The following CTNNA3 variants were observed in gnomAD, a reference collection of about 807,000 sequenced individuals.
CTNNA3 encodes the protein catenin alpha 3, also known as catenin alpha-3.
Under a neutral mutation model 95.7 loss-of-function variants are expected in CTNNA3, and 76 were observed. The ratio of observed to expected loss-of-function variants is 0.79; its 90% CI spans 0.66 to 0.96. CTNNA3 has a LOEUF of 0.96. Among genes scored for constraint, CTNNA3 ranks in the 40% least tolerant of loss-of-function variants. CTNNA3 has a pLI of 0.00. For missense variants in CTNNA3, 1,191 were observed against 1,089.8 expected, an observed-to-expected ratio of 1.09 and a Z score of -1.31; for synonymous variants, 431 against 374.4, an observed-to-expected ratio of 1.15 and a Z score of -1.74.
intron 12 of CTNNA3, among the ~76,000 whole-genome samples, chr10:66,363,965 T>C (rs75420996): frequency 0.046 from 6,985 of 152,202 alleles, 329 homozygotes; most frequent in East Asian, 0.23. Context: ...GTTTTACAGA[T>C]GACAGAACTA....
At chr10:66,850,373 C>T (rs753157684) in intron 7 of CTNNA3, among the ~76,000 whole-genome samples, 16 of 152,138 alleles carry the variant, frequency 1.1e-4, no homozygotes, top group South Asian at 4.2e-4. Flanking sequence ...GGGAGAGACA[C>T]GTATAGAATT....
chr10:67,617,307 G>A (rs1843688100), intron 2 of CTNNA3, among the ~76,000 whole-genome samples: 1 of 152,092 alleles, frequency 6.6e-6, no homozygotes, highest in Admixed American at 6.6e-5. Context: ...ATGTGTCCAT[G>A]TGTTCTCATC....
Position 66,682,982 on chromosome 10 carries a change from G to A in CTNNA3, c.1282-61198C>T, listed in dbSNP as rs532322672. Among the ~76,000 whole-genome samples, 5 of 152,164 alleles carry A rather than the reference G, an allele frequency of 3.3e-5. No homozygotes were observed. In the South Asian group the frequency reaches 1.0e-3, roughly 32 times the overall value. On this transcript the variant is annotated intron_variant, in intron 9 of 17. Transcript: ENST00000433211. ...TTGTGGAGCAAATGCAATGAGTGTG[G>A]CTCAATCATTGCCAGATCTTAACGT...
At chr10:67,049,301 T>C (rs1353093850) in intron 7 of CTNNA3, among the ~76,000 whole-genome samples, 1 of 152,036 alleles carries the variant, frequency 6.6e-6, no homozygotes, top group Non-Finnish European at 1.5e-5. Context: ...ATTCAACCAA[T>C]GATGAAGGCT....
At chr10:67,455,887 G>C (rs1484417260) in intron 5 of CTNNA3, among the ~76,000 whole-genome samples, 1 of 152,136 alleles carries the variant, frequency 6.6e-6, no homozygotes, top group East Asian at 1.9e-4. Context: ...AGGGAAATCT[G>C]AATAAAATGT....
At chr10:66,168,489 A>T (rs898794946) in intron 13 of CTNNA3, among the ~76,000 whole-genome samples, 2 of 152,168 alleles carry the variant, frequency 1.3e-5, no homozygotes, top group Non-Finnish European at 2.9e-5. Flanking sequence ...AGCCAAACTC[A>T]TTATAACCTC....
At chr10:66,111,574 A>G (rs1021081561) in intron 13 of CTNNA3, among the ~76,000 whole-genome samples, 1 of 152,238 alleles carries the variant, frequency 6.6e-6, no homozygotes, top group African/African-American at 2.4e-5. Context: ...GGAATCTTGA[A>G]GGAAATAAAA....
At chr10:66,403,420 C>T (rs149953015) in intron 11 of CTNNA3, among the ~76,000 whole-genome samples, 209 of 152,250 alleles carry the variant, frequency 1.4e-3, no homozygotes, top group African/African-American at 4.8e-3. Context: ...AACTTAAAAT[C>T]ATGGCGGAAG....
At chr10:67,014,542 G>C (rs1486764101) in intron 7 of CTNNA3, among the ~76,000 whole-genome samples, 1 of 152,010 alleles carries the variant, frequency 6.6e-6, no homozygotes, top group African/African-American at 2.4e-5. Context: ...CTGTTCCTAT[G>C]ATCTCTTTTA....
intron 7 of CTNNA3, among the ~76,000 whole-genome samples, chr10:67,022,811 G>C (rs941376630): frequency 6.6e-6 from 1 of 152,012 alleles, no homozygotes; most frequent in Non-Finnish European, 1.5e-5. Flanking sequence ...GGTGGTGCAC[G>C]CCTATAATCC....
At chr10:66,812,634 A>C (rs1841926180) in intron 7 of CTNNA3, among the ~76,000 whole-genome samples, 1 of 152,164 alleles carries the variant, frequency 6.6e-6, no homozygotes, top group African/African-American at 2.4e-5. Flanking sequence ...ACGTTAGTAC[A>C]TAAAAAGTGC....
chr10:67,295,769 A>G (rs1180408304), intron 5 of CTNNA3, among the ~76,000 whole-genome samples: 1 of 152,232 alleles, frequency 6.6e-6, no homozygotes, highest in Non-Finnish European at 1.5e-5. Context: ...GAAGAATAAG[A>G]GTTGAATAAA....
At chr10:66,608,485 G>C (rs888350732) in intron 10 of CTNNA3, among the ~76,000 whole-genome samples, 1 of 151,986 alleles carries the variant, frequency 6.6e-6, no homozygotes, top group African/African-American at 2.4e-5. Flanking sequence ...AGCCCGAATA[G>C]CCAAGACAAT....
intron 7 of CTNNA3, among the ~76,000 whole-genome samples, chr10:66,959,746 C>T (rs72804642): frequency 0.027 from 4,108 of 152,224 alleles, 82 homozygotes; most frequent in Non-Finnish European, 0.041. Flanking sequence ...CTTAGCACAC[C>T]TTTCTTTCTT....
At chr10:66,805,496 T>C (rs1270025590) in intron 7 of CTNNA3, among the ~76,000 whole-genome samples, 3 of 149,124 alleles carry the variant, frequency 2.0e-5, no homozygotes, top group Non-Finnish European at 4.4e-5. Context: ...TATATATACA[T>C]ATATATTTAT....
At chr10:67,355,574 C>G (rs923293358) in intron 5 of CTNNA3, among the ~76,000 whole-genome samples, 1 of 151,594 alleles carries the variant, frequency 6.6e-6, no homozygotes, top group Non-Finnish European at 1.5e-5. Flanking sequence ...TCTGCTCCTG[C>G]GGTGAGTTCT....
intron 9 of CTNNA3, among the ~76,000 whole-genome samples, chr10:66,650,474 GAA>G (rs1286988838): frequency 6.6e-6 from 1 of 152,186 alleles, no homozygotes; most frequent in Non-Finnish European, 1.5e-5. Flanking sequence ...TGAGATAAGT[GAA>G]AAGAGAGACA....
intron 5 of CTNNA3, among the ~76,000 whole-genome samples, chr10:67,500,723 G>A (rs1360241694): frequency 6.6e-6 from 1 of 152,150 alleles, no homozygotes; most frequent in Non-Finnish European, 1.5e-5. Context: ...TTTAAAGTCG[G>A]TTTTATCAGA....
intron 1 of CTNNA3, among the ~76,000 whole-genome samples, chr10:67,742,272 G>A (rs529785059): frequency 6.6e-6 from 1 of 151,314 alleles, no homozygotes; most frequent in African/African-American, 2.4e-5. Context: ...CTCAGCAAAT[G>A]TAAAAGAACA....
Sources: gnomAD v4.1 joint callset for allele counts (sites outside exome capture counted in the v4.1 genomes callset) on GRCh38, gnomAD v4.1.1 for gene constraint, MANE v1.5 for transcripts, NCBI Gene and HGNC (gene_info 2026-07-23, HGNC 2026-07-21) for gene names.